GSN: variants seen among roughly 807,000 people sequenced by gnomAD.
The protein encoded by GSN is actin-depolymerizing factor.
GSN carries 56 observed loss-of-function variants against 85.7 expected under a neutral mutation model. That is an observed-to-expected ratio of 0.65 (90% confidence interval 0.53 to 0.82). GSN has a LOEUF of 0.82. Ranked by LOEUF, GSN falls within the 40% of genes least tolerant of loss-of-function variation. The pLI, the probability that GSN is intolerant of heterozygous loss-of-function variation, is 0.00. For missense variants in GSN, 857 were observed against 979.8 expected, an observed-to-expected ratio of 0.87 and a Z score of 1.67; for synonymous variants, 373 against 399.1, an observed-to-expected ratio of 0.93 and a Z score of 0.78.
chr9:121,289,155 A>G (rs2058432203), intron 2 of GSN, among the ~76,000 whole-genome samples: 1 of 151,398 alleles, frequency 6.6e-6, no homozygotes, highest in Non-Finnish European at 1.5e-5. Context: ...TCACAAAGGC[A>G]GTCTGTTTTT....
At chr9:121,307,135 C>T (rs540921266) in intron 4 of GSN, among the ~76,000 whole-genome samples, 1 of 151,686 alleles carries the variant, frequency 6.6e-6, no homozygotes, top group East Asian at 1.9e-4. Context: ...GAGCCGAGAT[C>T]GTACCACTGC....
chr9:121,321,507 C>G (rs2062447027), intron 11 of GSN, 106 bp downstream of exon 11: 1 of 1,078,240 alleles, frequency 9.3e-7, no homozygotes, highest in Admixed American at 2.0e-5. Flanking sequence ...GACCACCACT[C>G]CCTGCTGGGA....
At chr9:121,205,962 A>G (rs2053874667), upstream of GSN, among the ~76,000 whole-genome samples, 1 of 151,968 alleles carries the variant, frequency 6.6e-6, no homozygotes, top group Non-Finnish European at 1.5e-5. Context: ...TTTGGTTCAT[A>G]GGCTTATCTT....
chr9:121,239,727 T>C, intron 5 of GSN: 1 of 307,100 alleles, frequency 3.3e-6, no homozygotes, highest in South Asian at 3.5e-5. Context: ...TTTTTCCCGA[T>C]CCAACTAATA....
At chr9:121,301,255 A>C (rs1261043130) in intron 2 of GSN, among the ~76,000 whole-genome samples, 2 of 152,156 alleles carry the variant, frequency 1.3e-5, no homozygotes, top group Non-Finnish European at 2.9e-5. Flanking sequence ...CCCCTGCTAC[A>C]CTGTTTCCTA....
At chr9:121,208,713 A>G (rs1160678572) in intron 1 of GSN, among the ~76,000 whole-genome samples, 1 of 152,266 alleles carries the variant, frequency 6.6e-6, no homozygotes, top group Non-Finnish European at 1.5e-5. Context: ...GGTCACACCT[A>G]GCTGAAAGGG....
intron 14 of GSN, 104 bp downstream of exon 14, chr9:121,327,586 C>T: frequency 2.3e-6 from 2 of 879,590 alleles, no homozygotes; most frequent in South Asian, 1.7e-5. Context: ...TCCATCCCAC[C>T]TGAGGGCCTG....
chr9:121,281,673 T>C (rs981572140), intron 2 of GSN, 111 bp downstream of exon 2: 4 of 471,074 alleles, frequency 8.5e-6, no homozygotes, highest in African/African-American at 6.0e-5. Flanking sequence ...CCACAGTGGA[T>C]TCAGTGGGAG....
chr9:121,204,979 C>T (rs2053859062), upstream of GSN, among the ~76,000 whole-genome samples: 1 of 152,212 alleles, frequency 6.6e-6, no homozygotes, highest in South Asian at 2.1e-4. Context: ...ATGTATACAT[C>T]TCTTCCTATT....
chr9:121,299,642 G>C lies in GSN; in HGVS notation c.-9-2321G>C, dbSNP rs2059571419. On this transcript the variant is annotated intron_variant, in intron 2 of 17. Coordinates refer to ENST00000432226, the MANE Select transcript of GSN (RefSeq NM_198252.3). This position sits in a 1 kb window ranked among gnomAD's most constrained non-coding sequence, Gnocchi z 4.2. Reference sequence around the variant, plus strand: ...TAGCGCCCGCCGTATGTCAGGCCTGGTGCTGGGTCTCCGCCCCGGAGCTGG... The same window carrying C: ...TAGCGCCCGCCGTATGTCAGGCCTGCTGCTGGGTCTCCGCCCCGGAGCTGG... Among the ~76,000 whole-genome samples, 1 of 152,202 alleles carries C rather than the reference G, an allele frequency of 6.6e-6. No individual in the cohort carries two copies. Among genetic ancestry groups the C allele is most frequent in the Non-Finnish European group, 1.5e-5 (1 of 68,028 alleles).
chr9:121,265,527 G>T (rs986081873), upstream of GSN: 1 of 152,228 alleles, frequency 6.6e-6, no homozygotes, highest in African/African-American at 2.4e-5. Flanking sequence ...GTGTTGTGGG[G>T]GAAGGTTACA....
chr9:121,328,735 A>G, intron 14 of GSN, 156 bp from the exon 15 acceptor site: 2 of 799,142 alleles, frequency 2.5e-6, no homozygotes, highest in South Asian at 3.0e-5. Flanking sequence ...CAATTCCCTC[A>G]GGCCTCTTCC....
At chr9:121,251,124 C>T (rs1402613163) in intron 6 of GSN, among the ~76,000 whole-genome samples, 1 of 148,590 alleles carries the variant, frequency 6.7e-6, no homozygotes. Context: ...CTGCACCCGA[C>T]CCTGTTTGTT....
rs572579017 is a variant in GSN, at chr9:121,327,444, G to A, written c.1724G>A (p.Arg575Gln). Residue 575 changes from arginine (R) to glutamine (Q), a missense_variant, in exon 14 of 18, where the codon CGG becomes CAG. Physicochemically the swap from Arg to Gln is conservative, Grantham distance 43. Coordinates refer to ENST00000432226, the MANE Select transcript of GSN (RefSeq NM_198252.3). ...GCCCAGGAGCTGCTCAGGGTGCTGC[G>A]GGCCCAACCTGTGCAGGTGGCAGAA... is the stretch of plus-strand genomic sequence containing the variant. ...TGAQELLRVL[R>Q]AQPVQVAEGS... 1.9e-5 allele frequency: 31 copies of A among 1,599,210 alleles called. No individual in the cohort carries two copies. The highest frequency in any genetic ancestry group is 1.1e-4 in the African/African-American group (8 of 74,860).
chr9:121,241,711 A>G lies in GSN; in HGVS notation c.-388-6565A>G, dbSNP rs143094541. On this transcript the variant is annotated intron_variant, in intron 5 of 24. Transcript: ENST00000373823. ...AAAAATCACAATGCAAAAGGAGTCC[A>G]TTGCTCTGCAAGAAGATAAACACCT... is the stretch of plus-strand genomic sequence containing the variant. 2.6e-4 allele frequency among the ~76,000 whole-genome samples: 40 copies of G among 152,348 alleles called. 1 individual carries two copies. Among genetic ancestry groups the G allele is most frequent in the African/African-American group, 9.4e-4 (39 of 41,578 alleles).
At chr9:121,236,485 T>TTAC (rs1291256067) in intron 5 of GSN, among the ~76,000 whole-genome samples, 2 of 152,206 alleles carry the variant, frequency 1.3e-5, no homozygotes, top group African/African-American at 4.8e-5. Flanking sequence ...AGTGCCTGGA[T>TTAC]TACAGGCATG....
chr9:121,326,365 C>T lies in GSN; in HGVS notation c.1417-147C>T. 3 of 726,714 alleles carry T rather than the reference C, an allele frequency of 4.1e-6. No homozygotes were observed. In the South Asian group the frequency reaches 4.5e-5, roughly 11 times the overall value. The allele number at this position is 726,714 out of a possible 1,614,324, so 45.0% of individuals were successfully genotyped here. A position where few individuals can be genotyped will look rare whatever the true frequency, so the allele number is the denominator to read the frequency against. On this transcript the variant is annotated intron_variant, in intron 12 of 17. Transcript: ENST00000432226. ...TCCACCCTTCCTGGAATTCTGGTGT[C>T]CCTGCCTGTGTGTTGTCGGGTCACA...
At chr9:121,300,864 G>T (rs985036247) in intron 2 of GSN, among the ~76,000 whole-genome samples, 3 of 152,158 alleles carry the variant, frequency 2.0e-5, no homozygotes, top group Non-Finnish European at 4.4e-5. Flanking sequence ...ATGGGGATGG[G>T]TACAGAGAGG....
At chr9:121,214,235 T>G (rs551670339) in intron 4 of GSN, among the ~76,000 whole-genome samples, 7 of 151,624 alleles carry the variant, frequency 4.6e-5, no homozygotes, top group Admixed American at 3.9e-4. Flanking sequence ...TCTTCCTTCT[T>G]TCTCCTTCCT....
Sources: allele counts gnomAD v4.1 joint callset (sites outside exome capture counted in the v4.1 genomes callset), GRCh38; gene constraint gnomAD v4.1.1; non-coding constraint Gnocchi (gnomAD v3.1); transcripts MANE v1.5; gene names NCBI Gene and HGNC (gene_info 2026-07-23, HGNC 2026-07-21).